RAD21: variants seen among roughly 807,000 people sequenced by gnomAD.
RAD21 encodes the protein RAD21 cohesin complex component.
Under a neutral mutation model 71.5 loss-of-function variants are expected in RAD21, and 18 were observed. The ratio of observed to expected loss-of-function variants is 0.25; its 90% CI spans 0.17 to 0.37. The LOEUF is 0.37. RAD21 is among the 10% of genes least tolerant of loss of function. The pLI, the probability that RAD21 is intolerant of heterozygous loss-of-function variation, is 1.00. For synonymous variants in RAD21, 248 were observed against 254.0 expected, an observed-to-expected ratio of 0.98 and a Z score of 0.22; for missense variants, 493 against 769.1, an observed-to-expected ratio of 0.64 and a Z score of 4.25.
intron 2 of RAD21, among the ~76,000 whole-genome samples, 194 bp downstream of exon 2, chr8:116,866,391 AT>A (rs1179262993): frequency 6.6e-6 from 1 of 151,914 alleles, no homozygotes; most frequent in African/African-American, 2.4e-5. Context: ...GCACTTAGAG[AT>A]TTTTTTTAAA....
At chr8:116,855,857 CTAAGA>C (rs1197514697) in intron 8 of RAD21, among the ~76,000 whole-genome samples, 1 of 152,168 alleles carries the variant, frequency 6.6e-6, no homozygotes, top group Non-Finnish European at 1.5e-5. Context: ...CCCCAGGAGA[CTAAGA>C]TATGCATTAT....
At chr8:116,862,666 T>C (rs1812614102) in intron 3 of RAD21, among the ~76,000 whole-genome samples, 1 of 152,104 alleles carries the variant, frequency 6.6e-6, no homozygotes, top group Non-Finnish European at 1.5e-5. Flanking sequence ...TCTTAGATGG[T>C]GGTGTGGTTG....
rs538942211 is a variant in RAD21 at position 116,846,392 on chromosome 8, T to C, written c.*1108A>G. 28 of 229,138 alleles carry C rather than the reference T, an allele frequency of 1.2e-4. No homozygotes were observed. Among genetic ancestry groups the C allele is most frequent in the African/African-American group, 5.1e-4 (23 of 45,240 alleles). The allele number at this position is 229,138 out of a possible 1,614,324, so 14.2% of individuals were successfully genotyped here. On this transcript the variant is annotated 3_prime_UTR_variant, in exon 14 of 14. Coordinates refer to ENST00000297338, the MANE Select transcript of RAD21 (RefSeq NM_006265.3). ...CATTCTGATAATCATAACAGTCACATGATTTCTGATGCTATCTGGTCTGTT... is the reference window on the plus strand; with the variant it reads ...CATTCTGATAATCATAACAGTCACACGATTTCTGATGCTATCTGGTCTGTT...
intron 8 of RAD21, 96 bp from the exon 9 acceptor site, chr8:116,854,564 TAC>T (rs2130463322): frequency 1.1e-6 from 1 of 903,436 alleles, no homozygotes; most frequent in South Asian, 1.5e-5. Context: ...CCTGCTTTTC[TAC>T]ACACAGACTC....
intron 4 of RAD21, among the ~76,000 whole-genome samples, chr8:116,859,255 T>G (rs1197437111): frequency 6.6e-6 from 1 of 152,204 alleles, no homozygotes; most frequent in East Asian, 1.9e-4. Flanking sequence ...AACAGTGCCT[T>G]AAGCAAGTCT....
At chr8:116,874,566 GGGGA>G (rs1479384399) in intron 1 of RAD21, 41 bp downstream of exon 1, 115 of 315,246 alleles carry the variant, frequency 3.6e-4, no homozygotes, top group Middle Eastern at 1.2e-3. Context: ...GAAAGGGTGG[GGGGA>G]GGGAGCTGGA....
chr8:116,874,735 A>G lies in RAD21; in HGVS notation c.-157T>C, dbSNP rs1331880099. On this transcript the variant is annotated 5_prime_UTR_variant, in exon 1 of 14. Transcript: ENST00000297338. The stretch of plus-strand genomic sequence containing the variant: ...CTTCCGAGCAGCTCCCGCCGCCGCC[A>G]CAGCCGGCGCCTCCTTTCCGATTCA... 6 of 453,858 alleles carry G rather than the reference A, an allele frequency of 1.3e-5. No individual in the cohort carries two copies. Among genetic ancestry groups the G allele is most frequent in the Non-Finnish European group, 2.2e-5 (5 of 225,502 alleles). The allele number at this position is 453,858 out of a possible 1,614,324, so 28.1% of individuals were successfully genotyped here.
Position 116,863,331 on chromosome 8 carries a change from T to C in RAD21, c.145-72A>G, listed in dbSNP as rs1414385067. 3.3e-6 allele frequency: 5 copies of C among 1,497,122 alleles called. No individual in the cohort carries two copies. The Admixed American group carries it at 9.6e-5, about 29-fold the overall frequency. 92.7% of individuals were successfully genotyped at this position (1,497,122 alleles called of 1,614,324 possible). A position where few individuals can be genotyped will look rare whatever the true frequency, so the allele number is the denominator to read the frequency against. Reference sequence around the variant, plus strand: ...ATTCATAGTCTTCTTTTTATCTTTTTCCTTTAAAGTTGCCTTATAATCACA... The same window carrying C: ...ATTCATAGTCTTCTTTTTATCTTTTCCCTTTAAAGTTGCCTTATAATCACA... On this transcript the variant is annotated intron_variant, in intron 2 of 13. Transcript: ENST00000297338.
At chr8:116,874,514 C>A in intron 1 of RAD21, 97 bp downstream of exon 1, 1 of 253,200 alleles carries the variant, frequency 3.9e-6, no homozygotes, top group East Asian at 1.6e-4. Flanking sequence ...CCCTCGCCCT[C>A]CCGCCCCCAG....
chr8:116,848,872 AC>A, intron 13 of RAD21, 73 bp downstream of exon 13: 2 of 1,165,302 alleles, frequency 1.7e-6, no homozygotes, highest in African/African-American at 3.2e-5. Flanking sequence ...CCAGCATCTA[AC>A]TTTTTTTTTT....
chr8:116,853,129 A>ACACATT (rs1812390120), intron 9 of RAD21, among the ~76,000 whole-genome samples: 1 of 152,096 alleles, frequency 6.6e-6, no homozygotes, highest in Non-Finnish European at 1.5e-5. Flanking sequence ...CCCAGGCTGG[A>ACACATT]GTGCAGTGGC....
chr8:116,857,187 G>A (rs551773530), intron 6 of RAD21, 80 bp downstream of exon 6: 1 of 1,251,318 alleles, frequency 8.0e-7, no homozygotes, highest in Non-Finnish European at 1.1e-6. Context: ...TCAAGACTCA[G>A]AATTAGCAAC....
chr8:116,860,853 C>T (rs1037459189), intron 4 of RAD21, among the ~76,000 whole-genome samples: 4 of 151,972 alleles, frequency 2.6e-5, no homozygotes, highest in Admixed American at 6.6e-5. Context: ...AGACAAATAT[C>T]GAACTATTAC....
intron 11 of RAD21, 141 bp from the exon 12 acceptor site, chr8:116,850,908 AATTT>A (rs1383206600): frequency 2.5e-5 from 13 of 511,972 alleles, no homozygotes; most frequent in Non-Finnish European, 4.4e-5. Flanking sequence ...CACAAGGAAA[AATTT>A]ATTACAGTAT....
At chr8:116,858,859 T>C (rs1213319113) in intron 4 of RAD21, among the ~76,000 whole-genome samples, 3 of 152,060 alleles carry the variant, frequency 2.0e-5, no homozygotes, top group African/African-American at 7.2e-5. Flanking sequence ...ATCTCTCATA[T>C]AGTTTAAAAA....
chr8:116,858,112 C>T lies in RAD21; in HGVS notation c.481+240G>A, dbSNP rs572805996. Among the ~76,000 whole-genome samples, 11 of 152,206 alleles carry T rather than the reference C, an allele frequency of 7.2e-5. No homozygotes were observed. In the South Asian group the frequency reaches 1.7e-3, roughly 23 times the overall value. On this transcript the variant is annotated intron_variant, in intron 5 of 13. Coordinates refer to ENST00000297338, the MANE Select transcript of RAD21 (RefSeq NM_006265.3). ...TCACCACTTCAATGTTGGGACTCCT[C>T]GCAGAAATCAATATATAGGTTCTAT... is the stretch of plus-strand genomic sequence containing the variant.
intron 1 of RAD21, 48 bp from the exon 2 acceptor site, chr8:116,866,809 A>T: frequency 7.6e-7 from 1 of 1,318,236 alleles, no homozygotes; most frequent in Non-Finnish European, 1.0e-6. Flanking sequence ...GACAATTTAA[A>T]TACTTATCAA....
At chr8:116,851,740 AAG>A in intron 11 of RAD21, 1 of 447,426 alleles carries the variant, frequency 2.2e-6, no homozygotes, top group East Asian at 3.2e-5. Context: ...ACTATTCAAA[AAG>A]AGTCAGGAAA....
chr8:116,852,724 A>G lies in RAD21; in HGVS notation c.1162-16T>C, dbSNP rs750942264. On this transcript the variant is annotated splice_polypyrimidine_tract_variant and intron_variant, in intron 9 of 13. Transcript: ENST00000297338. ...GTGTAAAGAGCTATTAAAAAAAAAA[A>G]AAAGAAAAATTTCAATTATAAAATA... The G allele has an allele frequency of 4.7e-5, 69 of 1,475,730 alleles. No homozygotes were observed. The highest frequency in any genetic ancestry group is 6.0e-5 in the Non-Finnish European group (67 of 1,114,086). The allele number at this position is 1,475,730 out of a possible 1,614,324, so 91.4% of individuals were successfully genotyped here. A position where few individuals can be genotyped will look rare whatever the true frequency, so the allele number is the denominator to read the frequency against.
Sources: allele counts gnomAD v4.1 joint callset (sites outside exome capture counted in the v4.1 genomes callset), GRCh38; gene constraint gnomAD v4.1.1; transcripts MANE v1.5; gene names NCBI Gene and HGNC (gene_info 2026-07-23, HGNC 2026-07-21).